The following PRKG1 variants were observed in gnomAD, a reference collection of about 807,000 sequenced individuals.
PRKG1 encodes protein kinase cGMP-dependent 1.
In PRKG1, 35 loss-of-function variants were observed where a neutral mutation model predicts 88.1. That is an observed-to-expected ratio of 0.40 (90% CI 0.30 to 0.53). PRKG1 has a LOEUF of 0.53. PRKG1 is among the 20% of genes least tolerant of loss of function. The pLI, the probability that PRKG1 is intolerant of heterozygous loss-of-function variation, is 0.59. For missense variants in PRKG1, 540 were observed against 839.8 expected (o/e 0.64, Z 4.41); for synonymous variants, 303 against 292.5 (o/e 1.04, Z -0.37).
At chr10:51,050,453 G>A (rs573992219) in intron 1 of PRKG1, among the ~76,000 whole-genome samples, 1 of 152,108 alleles carries the variant, frequency 6.6e-6, no homozygotes, top group South Asian at 2.1e-4. Flanking sequence ...ACTTAGCATA[G>A]TGTTCTCCAG....
intron 3 of PRKG1, among the ~76,000 whole-genome samples, chr10:51,755,344 T>C (rs1392095104): frequency 1.3e-5 from 2 of 152,210 alleles, no homozygotes; most frequent in African/African-American, 4.8e-5. Context: ...TATTCTTTAA[T>C]TCATAACAAT....
At chr10:51,193,652 A>G (rs186526840) in intron 2 of PRKG1, among the ~76,000 whole-genome samples, 1 of 152,182 alleles carries the variant, frequency 6.6e-6, no homozygotes, top group East Asian at 1.9e-4. Flanking sequence ...CTTTGTGAGA[A>G]AAAGACTAGC....
At position 51,132,589 on chromosome 10, in the gene PRKG1, CTGTT is replaced by C. The variant is rs1482448754; in HGVS notation, c.312-20571_312-20568del. Among the ~76,000 whole-genome samples, 4 of 151,104 alleles carry C rather than the reference CTGTT, an allele frequency of 2.6e-5. No homozygotes were observed. In the East Asian group the frequency reaches 5.8e-4, roughly 22 times the overall value. On this transcript the variant is annotated intron_variant, in intron 1 of 17. Coordinates refer to ENST00000373980, the MANE Select transcript of PRKG1 (RefSeq NM_006258.4). The stretch of plus-strand genomic sequence containing the variant: ...GAGTAACTCTGTGAGAGACAGAACT[CTGTT>C]TGTCTGATTTAATAAAAAGACAGAG...
chr10:52,273,541 C>A (rs1264935688), intron 12 of PRKG1, among the ~76,000 whole-genome samples: 3 of 152,032 alleles, frequency 2.0e-5, no homozygotes, highest in Admixed American at 2.0e-4. Context: ...GATTTAAATT[C>A]TCATTCCTAA....
At chr10:52,051,573 TAA>T (rs1171021291) in intron 5 of PRKG1, among the ~76,000 whole-genome samples, 1 of 152,200 alleles carries the variant, frequency 6.6e-6, no homozygotes, top group African/African-American at 2.4e-5. Context: ...AAGAGTAGGA[TAA>T]ATGGAGGCAA....
At chr10:51,092,596 G>T (rs1343803660) in intron 1 of PRKG1, among the ~76,000 whole-genome samples, 12 of 152,178 alleles carry the variant, frequency 7.9e-5, no homozygotes, top group Non-Finnish European at 2.9e-5. Flanking sequence ...TGGTGCAAAG[G>T]CTTCTGGGTT....
intron 3 of PRKG1, among the ~76,000 whole-genome samples, chr10:51,755,284 A>G (rs371100206): frequency 8.8e-4 from 134 of 152,312 alleles, no homozygotes; most frequent in African/African-American, 3.2e-3. Flanking sequence ...ATGCTGATCA[A>G]TATTGGCCAT....
chr10:51,929,910 G>A (rs372551033), intron 5 of PRKG1, among the ~76,000 whole-genome samples: 12 of 152,218 alleles, frequency 7.9e-5, no homozygotes, highest in South Asian at 4.1e-4. Flanking sequence ...TGCTGGTCTA[G>A]GTATGAATCT....
intron 6 of PRKG1, among the ~76,000 whole-genome samples, chr10:52,061,111 T>C (rs1057112616): frequency 6.6e-6 from 1 of 152,022 alleles, no homozygotes; most frequent in Non-Finnish European, 1.5e-5. Context: ...AGCATGCAAA[T>C]TAGTGTCTCT....
intron 4 of PRKG1, among the ~76,000 whole-genome samples, chr10:51,823,082 C>T (rs1398900726): frequency 6.6e-6 from 1 of 151,926 alleles, no homozygotes; most frequent in Non-Finnish European, 1.5e-5. Context: ...AATATGTATG[C>T]TTGGATACTT....
intron 3 of PRKG1, among the ~76,000 whole-genome samples, chr10:51,755,518 G>A (rs1837837408): frequency 6.6e-6 from 1 of 152,164 alleles, no homozygotes; most frequent in African/African-American, 2.4e-5. Flanking sequence ...ACAAACCCAA[G>A]AATAGCCCAG....
chr10:51,674,318 C>T (rs774044585), intron 3 of PRKG1, among the ~76,000 whole-genome samples: 33 of 152,012 alleles, frequency 2.2e-4, no homozygotes, highest in Admixed American at 1.9e-3. Flanking sequence ...CTAATGCTAT[C>T]CCTCCCCTAG....
intron 4 of PRKG1, among the ~76,000 whole-genome samples, chr10:51,832,534 C>G (rs2186148): frequency 0.62 from 93,719 of 151,832 alleles, 29,082 homozygotes; most frequent in Middle Eastern, 0.65. Flanking sequence ...ATTTAAAAAT[C>G]TACTCTAAGG....
intron 3 of PRKG1, among the ~76,000 whole-genome samples, chr10:51,751,465 T>C (rs1465543738): frequency 6.6e-6 from 1 of 152,128 alleles, no homozygotes; most frequent in Non-Finnish European, 1.5e-5. Flanking sequence ...TGGCCTCAAG[T>C]TATCCGCCTG....
intron 3 of PRKG1, among the ~76,000 whole-genome samples, chr10:51,511,710 C>A (rs144554929): frequency 6.6e-6 from 1 of 152,182 alleles, no homozygotes. Flanking sequence ...CTGGAACTCA[C>A]ATCCATTGCT....
chr10:51,714,267 T>C (rs908873719), intron 3 of PRKG1, among the ~76,000 whole-genome samples: 2 of 152,148 alleles, frequency 1.3e-5, no homozygotes, highest in African/African-American at 2.4e-5. Context: ...CGTGAGCCAC[T>C]GCTCCCGGCC....
chr10:52,109,846 C>T (rs878971393), intron 7 of PRKG1, among the ~76,000 whole-genome samples: 1 of 151,902 alleles, frequency 6.6e-6, no homozygotes, highest in Admixed American at 6.6e-5. Flanking sequence ...TTACATAGGT[C>T]ATATATAGCA....
intron 3 of PRKG1, among the ~76,000 whole-genome samples, chr10:51,486,505 C>T (rs1406691448): frequency 2.6e-5 from 4 of 152,104 alleles, no homozygotes; most frequent in African/African-American, 7.2e-5. Flanking sequence ...TTAAAATACA[C>T]TAAACTTTGC....
rs1365354319 is a variant in PRKG1 at position 51,352,355 on chromosome 10, C to T, written c.479-115368C>T. On this transcript the variant is annotated intron_variant, in intron 2 of 17. Coordinates refer to ENST00000373980, the MANE Select transcript of PRKG1 (RefSeq NM_006258.4). ...ACTTCGGGAAGTATGGCCATTTTCA[C>T]GGTATTGATTCTTCCTATCCATGAG... 5.9e-5 allele frequency among the ~76,000 whole-genome samples: 9 copies of T among 151,996 alleles called. No homozygotes were observed. The South Asian group carries it at 8.3e-4, about 14-fold the overall frequency.
Sources: gnomAD v4.1 joint callset for allele counts (sites outside exome capture counted in the v4.1 genomes callset) on GRCh38, gnomAD v4.1.1 for gene constraint, MANE v1.5 for transcripts, NCBI Gene and HGNC (gene_info 2026-07-23, HGNC 2026-07-21) for gene names.